The following HDAC9 variants were observed in gnomAD, a reference collection of about 807,000 sequenced individuals.
The protein encoded by HDAC9 is MEF-2 interacting transcription repressor (MITR) protein.
A neutral mutation model predicts 139.4 loss-of-function variants in HDAC9; 41 were observed. The observed-to-expected ratio is 0.29, with a 90% CI of 0.23 to 0.38. The LOEUF is 0.38. Among genes scored for constraint, HDAC9 ranks in the 10% least tolerant of loss-of-function variants. The pLI is 1.00. For missense variants in HDAC9, 1,147 were observed against 1,297.0 expected, an observed-to-expected ratio of 0.88 and a Z score of 1.78; for synonymous variants, 517 against 476.2, an observed-to-expected ratio of 1.09 and a Z score of -1.12.
At chr7:18,933,351 T>C (rs1056550715) in intron 22 of HDAC9, among the ~76,000 whole-genome samples, 2 of 151,920 alleles carry the variant, frequency 1.3e-5, no homozygotes, top group African/African-American at 4.8e-5. Context: ...CTCTACCTAA[T>C]CTGGATTAAA....
chr7:18,179,479 G>C (rs557377286), intron 2 of HDAC9, among the ~76,000 whole-genome samples: 1 of 152,092 alleles, frequency 6.6e-6, no homozygotes, highest in African/African-American at 2.4e-5. Context: ...TCCTGTTGGG[G>C]TTCTATGTTC....
At chr7:18,442,181 A>C (rs1192680103) in intron 1 of HDAC9, among the ~76,000 whole-genome samples, 1 of 152,206 alleles carries the variant, frequency 6.6e-6, no homozygotes, top group Non-Finnish European at 1.5e-5. Flanking sequence ...TACAGATGAT[A>C]GATGACTACC....
intron 1 of HDAC9, among the ~76,000 whole-genome samples, chr7:18,336,921 G>A (rs919649589): frequency 1.3e-5 from 2 of 151,472 alleles, no homozygotes; most frequent in Non-Finnish European, 3.0e-5. Context: ...ATTTTGTCAG[G>A]ATATATTTTA....
At chr7:18,363,820 G>A (rs545965447) in intron 1 of HDAC9, among the ~76,000 whole-genome samples, 13 of 151,954 alleles carry the variant, frequency 8.6e-5, no homozygotes, top group Admixed American at 2.0e-4. Context: ...TATACAAAGG[G>A]CATCTCATTG....
intron 2 of HDAC9, among the ~76,000 whole-genome samples, chr7:18,216,643 G>T (rs1739825703): frequency 6.6e-6 from 1 of 152,170 alleles, no homozygotes; most frequent in African/African-American, 2.4e-5. Flanking sequence ...AACTTCATTA[G>T]TAGATTACCT....
At chr7:18,155,073 T>TTTA (rs1787079172) in intron 1 of HDAC9, among the ~76,000 whole-genome samples, 2 of 148,930 alleles carry the variant, frequency 1.3e-5, no homozygotes, top group South Asian at 4.3e-4. Flanking sequence ...ACAAAGCTTT[T>TTTA]TTTCTTTCTT....
chr7:18,979,731 A>G (rs1784774623), intron 25 of HDAC9, among the ~76,000 whole-genome samples: 1 of 152,094 alleles, frequency 6.6e-6, no homozygotes, highest in Admixed American at 6.6e-5. Flanking sequence ...GGGAGCGGGT[A>G]CATCACATGG....
At chr7:18,572,886 G>A (rs1260755044) in intron 2 of HDAC9, among the ~76,000 whole-genome samples, 1 of 152,200 alleles carries the variant, frequency 6.6e-6, no homozygotes, top group Admixed American at 6.5e-5. Context: ...GGCCATTACA[G>A]ATTAGTTAGC....
chr7:18,253,774 G>A (rs1232204007), intron 2 of HDAC9, among the ~76,000 whole-genome samples: 1 of 152,224 alleles, frequency 6.6e-6, no homozygotes, highest in African/African-American at 2.4e-5. Flanking sequence ...AAGGAAGGCT[G>A]TGGAGTCCCC....
chr7:18,876,847 C>T (rs1426544703), intron 22 of HDAC9, among the ~76,000 whole-genome samples: 5 of 151,880 alleles, frequency 3.3e-5, no homozygotes, highest in Non-Finnish European at 5.9e-5. Flanking sequence ...GGATTACAGG[C>T]ATGTGCCACC....
chr7:18,896,276 G>A (rs1801191336), intron 22 of HDAC9, among the ~76,000 whole-genome samples: 1 of 151,994 alleles, frequency 6.6e-6, no homozygotes, highest in African/African-American at 2.4e-5. Context: ...ATTAGCATTT[G>A]ATCATAAAAA....
chr7:18,240,178 C>T (rs1794097207), intron 2 of HDAC9, among the ~76,000 whole-genome samples: 1 of 152,124 alleles, frequency 6.6e-6, no homozygotes, highest in South Asian at 2.1e-4. Flanking sequence ...AGATTTATAA[C>T]TGCAAATACT....
At chr7:18,255,676 G>A (rs570762215) in intron 2 of HDAC9, among the ~76,000 whole-genome samples, 13 of 144,796 alleles carry the variant, frequency 9.0e-5, no homozygotes, top group East Asian at 8.2e-4. Context: ...TTGCCCAGGC[G>A]GGCGCGCGGT....
chr7:18,676,489 G>A (rs544224555), intron 12 of HDAC9, among the ~76,000 whole-genome samples: 11 of 151,850 alleles, frequency 7.2e-5, no homozygotes, highest in African/African-American at 2.7e-4. Context: ...CTTTTAACAT[G>A]GTGAAGAATA....
intron 22 of HDAC9, among the ~76,000 whole-genome samples, chr7:18,909,296 A>AAATT (rs71017011): frequency 0.28 from 42,515 of 151,526 alleles, 6,529 homozygotes; most frequent in East Asian, 0.4. Context: ...TATATTCTGG[A>AAATT]AATTAATTAA....
At chr7:18,458,631 G>C (rs558670078) in intron 1 of HDAC9, among the ~76,000 whole-genome samples, 2 of 152,324 alleles carry the variant, frequency 1.3e-5, no homozygotes, top group Non-Finnish European at 2.9e-5. Context: ...GCAGTGTTCT[G>C]TATCATGGCG....
At chr7:18,407,503 C>A (rs750615202) in intron 1 of HDAC9, among the ~76,000 whole-genome samples, 2 of 152,020 alleles carry the variant, frequency 1.3e-5, no homozygotes, top group African/African-American at 4.8e-5. Flanking sequence ...ACAGGAAATT[C>A]AAAGTCAATG....
At chr7:18,994,853 A>C (rs1485861966) in intron 25 of HDAC9, among the ~76,000 whole-genome samples, 1 of 152,176 alleles carries the variant, frequency 6.6e-6, no homozygotes, top group Non-Finnish European at 1.5e-5. Flanking sequence ...TATGAAAGTA[A>C]TTCATTATAG....
intron 2 of HDAC9, among the ~76,000 whole-genome samples, chr7:18,559,325 G>A (rs1052643566): frequency 2.0e-5 from 3 of 152,114 alleles, no homozygotes; most frequent in South Asian, 2.1e-4. Flanking sequence ...GGTCATCTTT[G>A]CCCAAGTGTG....
Sources: gnomAD v4.1 joint callset for allele counts (sites outside exome capture counted in the v4.1 genomes callset) on GRCh38, gnomAD v4.1.1 for gene constraint, MANE v1.5 for transcripts, NCBI Gene and HGNC (gene_info 2026-07-23, HGNC 2026-07-21) for gene names.